PTPRD: variants seen among roughly 807,000 people sequenced by gnomAD.
PTPRD encodes the protein receptor-type tyrosine-protein phosphatase delta.
In PTPRD, 34 loss-of-function variants were observed where a neutral mutation model predicts 214.5. The observed-to-expected ratio is 0.16, with a 90% confidence interval of 0.12 to 0.21. PTPRD has a LOEUF of 0.21. Among genes scored for constraint, PTPRD ranks in the 10% least tolerant of loss-of-function variants. The probability of loss-of-function intolerance (pLI) is 1.00; values close to 1 mark genes in which losing one functional copy is unlikely to be tolerated. For synonymous variants in PTPRD, 1,128 were observed against 845.7 expected (o/e 1.33, Z -5.79); for missense variants, 2,545 against 2,398.7 (o/e 1.06, Z -1.27).
chr9:9,854,107 A>C (rs961070528), intron 5 of PTPRD, among the ~76,000 whole-genome samples: 1 of 152,112 alleles, frequency 6.6e-6, no homozygotes, highest in African/African-American at 2.4e-5. Flanking sequence ...CTCCTATCTA[A>C]TTGTAGTCTT....
chr9:10,117,648 G>T (rs1475864152), intron 3 of PTPRD, among the ~76,000 whole-genome samples: 1 of 147,294 alleles, frequency 6.8e-6, no homozygotes, highest in African/African-American at 2.5e-5. Flanking sequence ...GCAGTCATTA[G>T]ATTTAGAACC....
intron 11 of PTPRD, among the ~76,000 whole-genome samples, chr9:8,803,219 C>G (rs1230242665): frequency 6.6e-6 from 1 of 152,212 alleles, no homozygotes; most frequent in Admixed American, 6.5e-5. Flanking sequence ...GTACACACAT[C>G]TGAAAGTGTT....
intron 5 of PTPRD, among the ~76,000 whole-genome samples, chr9:9,875,209 T>A (rs1190789626): frequency 6.6e-6 from 1 of 152,096 alleles, no homozygotes; most frequent in Non-Finnish European, 1.5e-5. Flanking sequence ...GATAATTTCT[T>A]AAAATTATAT....
chr9:9,997,434 C>T (rs538990001), intron 4 of PTPRD, among the ~76,000 whole-genome samples: 11 of 152,052 alleles, frequency 7.2e-5, no homozygotes, highest in South Asian at 6.2e-4. Flanking sequence ...TACAGACAGG[C>T]ATGTGCCATG....
intron 3 of PTPRD, among the ~76,000 whole-genome samples, chr9:10,287,096 A>G (rs2095381018): frequency 2.0e-5 from 3 of 152,222 alleles, no homozygotes; most frequent in African/African-American, 7.2e-5. Context: ...TCAGGCGACT[A>G]ACTTACTGGT....
rs1567082658 is a variant in PTPRD, at chr9:10,587,860, A to C, written c.-600+24538T>G. 2.6e-5 allele frequency among the ~76,000 whole-genome samples: 4 copies of C among 152,156 alleles called. No individual in the cohort carries two copies. In the South Asian group the frequency reaches 6.2e-4, roughly 24 times the overall value. Reference sequence around the variant, plus strand: ...GCTGTATAAACACAGATGATGGAAAAAGCAAGGACAACTCATGGAAAGCTG... The same window carrying C: ...GCTGTATAAACACAGATGATGGAAACAGCAAGGACAACTCATGGAAAGCTG... On this transcript the variant is annotated intron_variant, in intron 2 of 45. Coordinates refer to ENST00000381196, the MANE Select transcript of PTPRD (RefSeq NM_002839.4).
At chr9:10,329,372 T>G (rs561568997) in intron 3 of PTPRD, among the ~76,000 whole-genome samples, 1 of 151,974 alleles carries the variant, frequency 6.6e-6, no homozygotes, top group South Asian at 2.1e-4. Context: ...AATGTGCATG[T>G]TCTAAGGGAT....
chr9:8,707,849 G>A (rs932326248), intron 12 of PTPRD, among the ~76,000 whole-genome samples: 4 of 152,104 alleles, frequency 2.6e-5, no homozygotes, highest in African/African-American at 7.2e-5. Context: ...TCATCTCCCA[G>A]GTACCACATC....
intron 8 of PTPRD, among the ~76,000 whole-genome samples, chr9:9,537,689 T>C (rs1157034618): frequency 6.6e-6 from 1 of 151,936 alleles, no homozygotes; most frequent in Non-Finnish European, 1.5e-5. Flanking sequence ...CTAATAGCTT[T>C]ATGAAGCCCT....
intron 8 of PTPRD, 133 bp from the exon 9 acceptor site, chr9:9,397,615 A>T (rs555837502): frequency 7.9e-5 from 12 of 152,208 alleles, no homozygotes; most frequent in Admixed American, 2.0e-4. Flanking sequence ...AAGATACGTT[A>T]TCTGACCTCA....
chr9:8,540,871 T>C (rs2078231316), intron 14 of PTPRD, among the ~76,000 whole-genome samples: 2 of 152,208 alleles, frequency 1.3e-5, no homozygotes, highest in Non-Finnish European at 2.9e-5. Context: ...CATTTCACTA[T>C]TTTACCACAT....
At chr9:10,598,692 GT>G (rs1567141840) in intron 2 of PTPRD, among the ~76,000 whole-genome samples, 11 of 102,492 alleles carry the variant, frequency 1.1e-4, no homozygotes, top group Non-Finnish European at 2.0e-4. Flanking sequence ...GTGTGTGTGT[GT>G]GTGTGTGTGT....
At position 8,419,900 on chromosome 9, in the gene PTPRD, T is replaced by A. The variant is rs13284476; in HGVS notation, c.4087-15240A>T. ...AAAATCTGAGAGTCTGAAGGATTGA[T>A]TTTTCTGTTTAAAAAATTAGGAAAT... is the stretch of plus-strand genomic sequence containing the variant. On this transcript the variant is annotated intron_variant, in intron 35 of 45. Coordinates refer to ENST00000381196, the MANE Select transcript of PTPRD (RefSeq NM_002839.4). Among the ~76,000 whole-genome samples the A allele has an allele frequency of 5.5e-3, 838 of 152,186 alleles. 5 individuals are homozygous for A. The highest frequency in any genetic ancestry group is 9.3e-3 in the Non-Finnish European group (632 of 67,992).
chr9:9,962,233 C>A (rs1451555826), intron 4 of PTPRD, among the ~76,000 whole-genome samples: 1 of 151,848 alleles, frequency 6.6e-6, no homozygotes, highest in Non-Finnish European at 1.5e-5. Context: ...GTCAAGTTAT[C>A]CTAGGAGAAA....
chr9:10,369,704 T>C (rs2097576107), intron 2 of PTPRD, among the ~76,000 whole-genome samples: 1 of 152,064 alleles, frequency 6.6e-6, no homozygotes, highest in African/African-American at 2.4e-5. Context: ...ACACTGAATA[T>C]TTCACCAGAC....
intron 10 of PTPRD, among the ~76,000 whole-genome samples, chr9:9,038,508 T>G (rs112868893): frequency 0.024 from 3,572 of 151,452 alleles, 67 homozygotes; most frequent in Non-Finnish European, 0.035. Flanking sequence ...TTCTTCACTT[T>G]AAGTGGGGGG....
At chr9:8,891,137 AT>A (rs761564011) in intron 11 of PTPRD, among the ~76,000 whole-genome samples, 5,604 of 123,548 alleles carry the variant, frequency 0.045, 305 homozygotes, top group Non-Finnish European at 0.064. Flanking sequence ...AATTAATCTA[AT>A]TTTTTTTTTT....
At chr9:10,272,066 C>T (rs1269490777) in intron 3 of PTPRD, among the ~76,000 whole-genome samples, 2 of 151,962 alleles carry the variant, frequency 1.3e-5, no homozygotes, top group Non-Finnish European at 2.9e-5. Flanking sequence ...GAAAGAAACC[C>T]CATACTCTTT....
intron 11 of PTPRD, among the ~76,000 whole-genome samples, chr9:8,882,123 T>C (rs2098451064): frequency 6.6e-6 from 1 of 152,230 alleles, no homozygotes; most frequent in South Asian, 2.1e-4. Context: ...ACCAACAAGG[T>C]CTTCTCTTTT....
Sources: allele counts gnomAD v4.1 joint callset (sites outside exome capture counted in the v4.1 genomes callset), GRCh38; gene constraint gnomAD v4.1.1; transcripts MANE v1.5; gene names NCBI Gene and HGNC (gene_info 2026-07-23, HGNC 2026-07-21).